Variants in FBXW7 observed in about 807,000 individuals in gnomAD.
The protein encoded by FBXW7 is F-box and WD repeat domain containing 7.
Under a neutral mutation model 86.3 loss-of-function variants are expected in FBXW7, and 11 were observed. That is an observed-to-expected ratio of 0.13 (90% CI 0.08 to 0.21). The LOEUF (loss-of-function observed/expected upper bound fraction) is 0.21. Ranked by LOEUF, FBXW7 falls within the 10% of genes least tolerant of loss-of-function variation. The pLI is 1.00. For synonymous variants in FBXW7, 313 were observed against 297.9 expected (o/e 1.05, Z -0.52); for missense variants, 488 against 847.4 (o/e 0.58, Z 5.27).
chr4:152,419,820 A>C (rs76344562), intron 2 of FBXW7, among the ~76,000 whole-genome samples: 2 of 152,192 alleles, frequency 1.3e-5, no homozygotes, highest in Non-Finnish European at 2.9e-5. Flanking sequence ...TGTAAAAAAA[A>C]TGTACATACC....
intron 2 of FBXW7, among the ~76,000 whole-genome samples, chr4:152,442,877 A>C (rs951636472): frequency 6.6e-6 from 1 of 152,252 alleles, no homozygotes; most frequent in Non-Finnish European, 1.5e-5. Context: ...ATCTCAGGAA[A>C]GCTTATAATA....
chr4:152,454,136 T>C (rs1253390793), intron 2 of FBXW7, among the ~76,000 whole-genome samples: 1 of 152,140 alleles, frequency 6.6e-6, no homozygotes, highest in African/African-American at 2.4e-5. Flanking sequence ...CCCCATCTTA[T>C]TTTAAAAATG....
intron 2 of FBXW7, among the ~76,000 whole-genome samples, chr4:152,519,374 A>G (rs1178927660): frequency 6.6e-6 from 1 of 152,212 alleles, no homozygotes; most frequent in African/African-American, 2.4e-5. Flanking sequence ...ATTTATACCC[A>G]AGAGACTAAC....
chr4:152,456,641 C>T (rs1441413890), intron 2 of FBXW7, among the ~76,000 whole-genome samples: 1 of 152,140 alleles, frequency 6.6e-6, no homozygotes, highest in Non-Finnish European at 1.5e-5. Flanking sequence ...CAACATAATT[C>T]GCATTTTCCT....
intron 2 of FBXW7, among the ~76,000 whole-genome samples, chr4:152,497,343 CCACACACACA>C (rs753468896): frequency 1.7e-4 from 15 of 86,942 alleles, no homozygotes; most frequent in South Asian, 1.2e-3. Flanking sequence ...AAAAAAAAAA[CCACACACACA>C]CACACACACA....
chr4:152,347,191 C>G, intron 5 of FBXW7, 120 bp from the exon 6 acceptor site: 4 of 827,966 alleles, frequency 4.8e-6, no homozygotes, highest in Non-Finnish European at 5.5e-6. Flanking sequence ...TGGCATATTT[C>G]AAACATCAAT....
At chr4:152,455,651 C>T (rs1047387897) in intron 2 of FBXW7, among the ~76,000 whole-genome samples, 31 of 152,180 alleles carry the variant, frequency 2.0e-4, no homozygotes, top group Non-Finnish European at 4.1e-4. Context: ...TTTGTTACAG[C>T]GGCATTCCAC....
Position 152,322,623 on chromosome 4 carries a change from G to A in FBXW7, c.*258C>T. 2.1e-6 allele frequency: 1 copy of A among 476,446 alleles called. No homozygotes were observed. The highest frequency in any genetic ancestry group is 3.6e-6 in the Non-Finnish European group (1 of 278,916). The allele number at this position is 476,446 out of a possible 1,614,324, so 29.5% of individuals were successfully genotyped here. On this transcript the variant is annotated 3_prime_UTR_variant, in exon 14 of 14. Transcript: ENST00000281708. ...GGTTTGATTTAGAAAGTCTCATTTT[G>A]CAAAGCTGCCCTCAGTCAAAAGTGA...
At chr4:152,394,396 T>C (rs776959421) in intron 4 of FBXW7, among the ~76,000 whole-genome samples, 14 of 152,134 alleles carry the variant, frequency 9.2e-5, no homozygotes, top group Admixed American at 9.2e-4. Context: ...AATTGACTTG[T>C]AGGTTCTTTT....
chr4:152,452,258 G>A (rs1271654499), intron 2 of FBXW7, among the ~76,000 whole-genome samples: 1 of 152,122 alleles, frequency 6.6e-6, no homozygotes, highest in Non-Finnish European at 1.5e-5. Flanking sequence ...ATAAGTCAAA[G>A]CTTTTTGGGG....
chr4:152,533,064 C>G (rs549084652), intron 2 of FBXW7, among the ~76,000 whole-genome samples: 33 of 152,092 alleles, frequency 2.2e-4, no homozygotes, highest in African/African-American at 6.7e-4. Flanking sequence ...GTAGCACATG[C>G]CTGTAGTCCC....
chr4:152,514,852 G>A (rs191822442), intron 2 of FBXW7, among the ~76,000 whole-genome samples: 240 of 152,204 alleles, frequency 1.6e-3, no homozygotes, highest in Admixed American at 3.8e-3. Flanking sequence ...ACCCAGCCTC[G>A]GGTATTTACA....
intron 2 of FBXW7, among the ~76,000 whole-genome samples, chr4:152,437,491 T>C (rs529121132): frequency 6.6e-6 from 1 of 152,184 alleles, no homozygotes; most frequent in Non-Finnish European, 1.5e-5. Flanking sequence ...AATCTCATAA[T>C]AAAACTTGAA....
Position 152,535,666 on chromosome 4 carries a change from C to G in FBXW7, c.-752G>C, listed in dbSNP as rs1308768328. On this transcript the variant is annotated 5_prime_UTR_variant, in exon 1 of 14. Transcript: ENST00000281708. ...GCATGTGTCGCTGCGGCTGGGACCC[C>G]CCTCCCTACACCTTGGGGGTCTCGC... 5.0e-6 allele frequency: 2 copies of G among 396,398 alleles called. No homozygotes were observed. Among genetic ancestry groups the G allele is most frequent in the Non-Finnish European group, 8.9e-6 (2 of 224,596 alleles). The allele number at this position is 396,398 out of a possible 1,614,324, so 24.6% of individuals were successfully genotyped here. A position where few individuals can be genotyped will look rare whatever the true frequency, so the allele number is the denominator to read the frequency against.
At chr4:152,401,613 G>A (rs192550274) in intron 4 of FBXW7, among the ~76,000 whole-genome samples, 118 of 152,242 alleles carry the variant, frequency 7.8e-4, no homozygotes, top group African/African-American at 2.8e-3. Context: ...TGGTAGATGC[G>A]TGTCAATACA....
chr4:152,516,975 G>A (rs532347520), intron 2 of FBXW7, among the ~76,000 whole-genome samples: 2 of 152,236 alleles, frequency 1.3e-5, no homozygotes, highest in South Asian at 2.1e-4. Context: ...ACAGGCAAGT[G>A]CCACTACACC....
In FBXW7 at chr4:152,411,291, GA is replaced by G. The variant is rs1453930286; in HGVS notation, c.501+11del. 4 of 1,575,204 alleles carry G rather than the reference GA, an allele frequency of 2.5e-6. No homozygotes were observed. Among genetic ancestry groups the G allele is most frequent in the Non-Finnish European group, 3.5e-6 (4 of 1,159,310 alleles). On this transcript the variant is annotated intron_variant, in intron 4 of 13. Coordinates refer to ENST00000281708, the MANE Select transcript of FBXW7 (RefSeq NM_001349798.2). ...AAGTTTCTCAGGTTAACAATATATT[GA>G]ATATACTCACTTTTGTTGTTTTTGT...
intron 2 of FBXW7, among the ~76,000 whole-genome samples, chr4:152,532,653 T>C (rs1750120585): frequency 6.6e-6 from 1 of 152,356 alleles, no homozygotes; most frequent in Admixed American, 6.5e-5. Flanking sequence ...ATTAGTTCTA[T>C]ATGTACACGT....
chr4:152,405,986 A>T (rs894408043), intron 4 of FBXW7, among the ~76,000 whole-genome samples: 1 of 152,230 alleles, frequency 6.6e-6, no homozygotes, highest in Non-Finnish European at 1.5e-5. Flanking sequence ...TCGGAGCTTG[A>T]GAAATAATTT....
Sources: gnomAD v4.1 joint callset for allele counts (sites outside exome capture counted in the v4.1 genomes callset) on GRCh38, gnomAD v4.1.1 for gene constraint, MANE v1.5 for transcripts, NCBI Gene and HGNC (gene_info 2026-07-23, HGNC 2026-07-21) for gene names.